Variants in ABHD18 observed in about 807,000 individuals in gnomAD.
ABHD18 encodes the protein abhydrolase domain containing 18.
ABHD18 carries 55 observed loss-of-function variants against 65.9 expected under a neutral mutation model. The ratio of observed to expected loss-of-function variants is 0.84; its 90% CI spans 0.67 to 1.05. The LOEUF is 1.05. Ranked by LOEUF, ABHD18 falls within the 50% of genes least tolerant of loss-of-function variation. The pLI is 0.00. For synonymous variants in ABHD18, 181 were observed against 180.2 expected, an observed-to-expected ratio of 1.00 and a Z score of -0.04; for missense variants, 533 against 558.5, an observed-to-expected ratio of 0.95 and a Z score of 0.46.
intron 7 of ABHD18, among the ~76,000 whole-genome samples, chr4:128,012,788 G>A (rs777360804): frequency 3.9e-5 from 6 of 152,016 alleles, no homozygotes; most frequent in Non-Finnish European, 5.9e-5. Flanking sequence ...GGCAAGGGCT[G>A]GCTGCAGTGG....
intron 4 of ABHD18, 140 bp downstream of exon 4, chr4:127,989,961 T>A: frequency 1.8e-6 from 1 of 548,476 alleles, no homozygotes; most frequent in Non-Finnish European, 3.2e-6. Context: ...GATATTTTAA[T>A]TCTTCAAAGA....
chr4:128,026,949 A>G lies in ABHD18; in HGVS notation c.802-1526A>G, dbSNP rs1283540096. On this transcript the variant is annotated intron_variant, in intron 10 of 12. Coordinates refer to ENST00000645843, the MANE Select transcript of ABHD18 (RefSeq NM_001358451.3). ...TACAGGTGCCCACCACACCTGGCTA[A>G]TTTTTATATTTTAGTAGAGACAGAG... is the stretch of plus-strand genomic sequence containing the variant. Among the ~76,000 whole-genome samples, 26 of 151,752 alleles carry G rather than the reference A, an allele frequency of 1.7e-4. 2 individuals are homozygous for G.
At position 128,037,377 on chromosome 4, in the gene ABHD18, G is replaced by A. The variant is rs1419619182; in HGVS notation, c.*1564G>A. 1.3e-5 allele frequency: 2 copies of A among 151,988 alleles called. No individual in the cohort carries two copies. Among genetic ancestry groups the A allele is most frequent in the African/African-American group, 2.4e-5 (1 of 41,394 alleles). The allele number at this position is 151,988 out of a possible 1,614,324, so 9.4% of individuals were successfully genotyped here. On this transcript the variant is annotated 3_prime_UTR_variant, in exon 13 of 13. Transcript: ENST00000645843. ...AAATGGAAACATTGGAAGACCTGTT[G>A]CATTAACTGACGGAGTGCAGTGGCA...
At chr4:128,007,956 G>A (rs891319331) in intron 4 of ABHD18, among the ~76,000 whole-genome samples, 2 of 151,958 alleles carry the variant, frequency 1.3e-5, no homozygotes, top group Non-Finnish European at 2.9e-5. Context: ...AAAAGTCGGA[G>A]CTATATCTAA....
At chr4:128,022,738 C>T (rs1756700028) in intron 10 of ABHD18, among the ~76,000 whole-genome samples, 2 of 149,930 alleles carry the variant, frequency 1.3e-5, no homozygotes. Flanking sequence ...AATTGGTTTC[C>T]TACTGCTCTT....
chr4:127,987,157 G>C (rs1180292071), intron 3 of ABHD18, among the ~76,000 whole-genome samples: 4 of 152,058 alleles, frequency 2.6e-5, no homozygotes. Context: ...TTCGAGACCA[G>C]CCTGGCCAAC....
chr4:128,034,587 A>AAAAAAAG (rs778361967), intron 12 of ABHD18, among the ~76,000 whole-genome samples: 2 of 152,108 alleles, frequency 1.3e-5, no homozygotes, highest in Non-Finnish European at 2.9e-5. Context: ...TTGTCTCTAA[A>AAAAAAAG]AAAAAAGAAA....
At chr4:127,972,776 A>G (rs1747095331) in intron 1 of ABHD18, among the ~76,000 whole-genome samples, 1 of 152,018 alleles carries the variant, frequency 6.6e-6, no homozygotes, top group Admixed American at 6.6e-5. Context: ...CAATTTATAT[A>G]CTACATATAC....
At chr4:128,032,418 G>A (rs2149198232) in intron 12 of ABHD18, among the ~76,000 whole-genome samples, 1 of 152,308 alleles carries the variant, frequency 6.6e-6, no homozygotes, top group Admixed American at 6.5e-5. Flanking sequence ...CAGGTGCGGT[G>A]GCTCACATCT....
intron 1 of ABHD18, among the ~76,000 whole-genome samples, chr4:127,977,817 CAAAG>C (rs1246566434): frequency 2.6e-5 from 4 of 151,492 alleles, no homozygotes; most frequent in South Asian, 2.1e-4. Context: ...GTAGAAAACA[CAAAG>C]AAAAGGAATC....
Position 127,965,496 on chromosome 4 carries a change from C to T in ABHD18, c.-128C>T. 2.6e-6 allele frequency: 1 copy of T among 381,900 alleles called. No homozygotes were observed. Among genetic ancestry groups the T allele is most frequent in the Non-Finnish European group, 5.0e-6 (1 of 201,972 alleles). The allele number at this position is 381,900 out of a possible 1,614,324, so 23.7% of individuals were successfully genotyped here. ...GCATTTCGGTTCCTGGAAAGGTTAC[C>T]GGAGCTGCGATTGGGGCTGGGACCA... On this transcript the variant is annotated 5_prime_UTR_variant, in exon 1 of 13. Transcript: ENST00000645843.
chr4:128,015,180 G>C (rs922895204), intron 7 of ABHD18, among the ~76,000 whole-genome samples: 1 of 152,060 alleles, frequency 6.6e-6, no homozygotes, highest in African/African-American at 2.4e-5. Context: ...GGCAAGTCGA[G>C]GCTGTTGTGA....
intron 7 of ABHD18, 49 bp downstream of exon 7, chr4:128,011,749 G>T: frequency 7.3e-7 from 1 of 1,361,622 alleles, no homozygotes. Flanking sequence ...CCAATATCCA[G>T]CAGTATTAAA....
At chr4:128,034,970 T>G (rs1758718584) in intron 12 of ABHD18, among the ~76,000 whole-genome samples, 1 of 152,146 alleles carries the variant, frequency 6.6e-6, no homozygotes, top group African/African-American at 2.4e-5. Flanking sequence ...CCTTTTCAAT[T>G]GAAATATTAA....
chr4:128,039,696 C>T lies in ABHD18; in HGVS notation c.*3883C>T, dbSNP rs1252064750. ...TTTTATTATATTTCACAGTAAAAGT[C>T]TATTTAAAAAGCTAATCATTTGTGC... On this transcript the variant is annotated 3_prime_UTR_variant, in exon 13 of 13. Coordinates refer to ENST00000645843, the MANE Select transcript of ABHD18 (RefSeq NM_001358451.3). The T allele has an allele frequency of 6.6e-6, 1 of 151,604 alleles. No individual in the cohort carries two copies. Among genetic ancestry groups the T allele is most frequent in the Non-Finnish European group, 1.5e-5 (1 of 67,918 alleles). 9.4% of individuals were successfully genotyped at this position (151,604 alleles called of 1,614,324 possible). A position where few individuals can be genotyped will look rare whatever the true frequency, so the allele number is the denominator to read the frequency against.
At chr4:128,004,341 A>G (rs1041845533) in intron 4 of ABHD18, among the ~76,000 whole-genome samples, 3 of 151,602 alleles carry the variant, frequency 2.0e-5, no homozygotes, top group Non-Finnish European at 4.4e-5. Context: ...AGTTCCAGCT[A>G]CTCGGGAGGC....
At chr4:128,017,575 A>G (rs1310292557) in intron 8 of ABHD18, 74 bp downstream of exon 8, 2 of 1,356,926 alleles carry the variant, frequency 1.5e-6, no homozygotes, top group Non-Finnish European at 2.0e-6. Flanking sequence ...GTTATTTTAA[A>G]AATTCACTTT....
chr4:128,009,044 A>G (rs768883079), intron 5 of ABHD18, 46 bp downstream of exon 5: 7 of 1,585,040 alleles, frequency 4.4e-6, no homozygotes, highest in Non-Finnish European at 3.4e-6. Flanking sequence ...ATTTGTTAAC[A>G]TATTCTCCTT....
chr4:128,034,357 A>G (rs755516586), intron 12 of ABHD18, among the ~76,000 whole-genome samples: 5 of 152,060 alleles, frequency 3.3e-5, no homozygotes, highest in Non-Finnish European at 7.4e-5. Context: ...TATGTTTTGG[A>G]TTTTCTGAAT....
Sources: allele counts gnomAD v4.1 joint callset (sites outside exome capture counted in the v4.1 genomes callset), GRCh38; gene constraint gnomAD v4.1.1; transcripts MANE v1.5; gene names NCBI Gene and HGNC (gene_info 2026-07-23, HGNC 2026-07-21).